The following SMIM8 variants were observed in gnomAD, a reference collection of about 807,000 sequenced individuals.
SMIM8 encodes UPF0708 protein C6orf162.
A neutral mutation model predicts 8.1 loss-of-function variants in SMIM8; 8 were observed. The observed-to-expected ratio is 0.99, with a 90% CI of 0.58 to 1.78. The LOEUF (loss-of-function observed/expected upper bound fraction) is 1.78. SMIM8 is among the 40% of genes most tolerant of loss of function. The pLI is 0.00. For synonymous variants in SMIM8, 45 were observed against 39.7 expected (o/e 1.13, Z -0.50); for missense variants, 126 against 119.8 (o/e 1.05, Z -0.24).
chr6:87,334,502 G>A (rs1777061744), intron 2 of SMIM8, among the ~76,000 whole-genome samples: 1 of 152,080 alleles, frequency 6.6e-6, no homozygotes, highest in Non-Finnish European at 1.5e-5. Context: ...ACAGGATACA[G>A]CCTGTTGCCC....
At chr6:87,337,260 T>G in intron 3 of SMIM8, 94 bp downstream of exon 3, 1 of 1,397,424 alleles carries the variant, frequency 7.2e-7, no homozygotes, top group Non-Finnish European at 9.5e-7. Flanking sequence ...TCATGGAAAT[T>G]TTATGTTGAC....
chr6:87,339,859 A>G (rs1777183455), intron 3 of SMIM8, among the ~76,000 whole-genome samples: 2 of 152,194 alleles, frequency 1.3e-5, no homozygotes, highest in South Asian at 4.1e-4. Context: ...TCCTGAGAGT[A>G]GAGGTCTGAG....
At chr6:87,324,265 G>A (rs1776760346) in intron 1 of SMIM8, among the ~76,000 whole-genome samples, 1 of 151,910 alleles carries the variant, frequency 6.6e-6, no homozygotes, top group African/African-American at 2.4e-5. Flanking sequence ...CTGTGCAGAA[G>A]CTCTTTAATT....
intron 1 of SMIM8, among the ~76,000 whole-genome samples, chr6:87,327,026 C>T (rs2127917141): frequency 7.2e-6 from 1 of 139,064 alleles, no homozygotes; most frequent in East Asian, 2.0e-4. Flanking sequence ...ATGTAATGGC[C>T]TTCTTTGTGT....
At chr6:87,329,970 C>T (rs995491611) in intron 1 of SMIM8, among the ~76,000 whole-genome samples, 2 of 152,168 alleles carry the variant, frequency 1.3e-5, no homozygotes, top group African/African-American at 4.8e-5. Flanking sequence ...GATAGTATTG[C>T]TCCTTTTATA....
rs117983787 is a variant in SMIM8 at position 87,334,393 on chromosome 6, T to G, written c.-23-2616T>G. ...TTATTAACTTACATGCAGGAGAAAT[T>G]TAAAAACAAGAACAAAAATTGCTGG... is the stretch of plus-strand genomic sequence containing the variant. On this transcript the variant is annotated intron_variant, in intron 2 of 3. Transcript: ENST00000392863. 2.7e-3 allele frequency among the ~76,000 whole-genome samples: 407 copies of G among 152,314 alleles called. 5 individuals carry two copies. In the East Asian group the frequency reaches 0.048, roughly 18 times the overall value.
chr6:87,332,920 C>G (rs1343496276), intron 2 of SMIM8, among the ~76,000 whole-genome samples: 1 of 152,200 alleles, frequency 6.6e-6, no homozygotes, highest in Admixed American at 6.5e-5. Context: ...TGGCTGTTGA[C>G]AGACTATAAT....
At chr6:87,324,297 G>A (rs1429083618) in intron 1 of SMIM8, among the ~76,000 whole-genome samples, 1 of 152,138 alleles carries the variant, frequency 6.6e-6, no homozygotes, top group Non-Finnish European at 1.5e-5. Context: ...GTCAATTTTG[G>A]CTTTGGTTGC....
rs549374013 is a variant in SMIM8, at chr6:87,340,569, C to G, written c.*295C>G. On this transcript the variant is annotated 3_prime_UTR_variant, in exon 4 of 4. Transcript: ENST00000392863. Reference sequence around the variant, plus strand: ...TATTAAATTCTGTATAATAAAAGTACCCATGCTGTTAAATTTGCATGATGT... The same window carrying G: ...TATTAAATTCTGTATAATAAAAGTAGCCATGCTGTTAAATTTGCATGATGT... The G allele has an allele frequency of 1.0e-5, 2 of 193,786 alleles. No homozygotes were observed. Among genetic ancestry groups the G allele is most frequent in the Non-Finnish European group, 2.1e-5 (2 of 96,226 alleles). 12.0% of individuals were successfully genotyped at this position (193,786 alleles called of 1,614,324 possible).
In SMIM8 at chr6:87,340,343, T is replaced by C. The variant is rs1777200495; in HGVS notation, c.*69T>C. 1.4e-6 allele frequency: 2 copies of C among 1,386,074 alleles called. No individual in the cohort carries two copies. Among genetic ancestry groups the C allele is most frequent in the Admixed American group, 5.6e-5 (2 of 35,944 alleles). 85.9% of individuals were successfully genotyped at this position (1,386,074 alleles called of 1,614,324 possible). On this transcript the variant is annotated 3_prime_UTR_variant, in exon 4 of 4. Transcript: ENST00000392863. Reference sequence around the variant, plus strand: ...ATCTTCAAATGAAAGACCTTGTGAGTGTACAGTATCATGTTTCTTGTTCTA... The same window carrying C: ...ATCTTCAAATGAAAGACCTTGTGAGCGTACAGTATCATGTTTCTTGTTCTA...
intron 1 of SMIM8, among the ~76,000 whole-genome samples, chr6:87,326,405 G>A (rs1292917261): frequency 1.3e-5 from 2 of 151,948 alleles, no homozygotes; most frequent in African/African-American, 4.8e-5. Flanking sequence ...TGGGCATTTA[G>A]GGCTATAAAT....
chr6:87,339,079 C>T (rs1228933576), intron 3 of SMIM8, among the ~76,000 whole-genome samples: 4 of 151,890 alleles, frequency 2.6e-5, no homozygotes, highest in Admixed American at 6.6e-5. Flanking sequence ...CCAAGGTGGG[C>T]GGATCACTTG....
At chr6:87,332,069 T>G (rs1777006924) in intron 2 of SMIM8, among the ~76,000 whole-genome samples, 1 of 152,080 alleles carries the variant, frequency 6.6e-6, no homozygotes, top group African/African-American at 2.4e-5. Context: ...ATTATTTTAT[T>G]GATTCATTAT....
chr6:87,326,896 G>T (rs1304348267), intron 1 of SMIM8, among the ~76,000 whole-genome samples: 2 of 114,918 alleles, frequency 1.7e-5, no homozygotes, highest in African/African-American at 3.7e-5. Flanking sequence ...TAATTTGTGG[G>T]AGTTTAAGTC....
intron 1 of SMIM8, among the ~76,000 whole-genome samples, chr6:87,328,261 C>A (rs1044242067): frequency 1.3e-5 from 2 of 151,924 alleles, no homozygotes; most frequent in Non-Finnish European, 2.9e-5. Flanking sequence ...TCGTCAAAGT[C>A]ATTCTCCGTC....
chr6:87,328,841 C>T (rs1776913812), intron 1 of SMIM8, among the ~76,000 whole-genome samples: 1 of 152,242 alleles, frequency 6.6e-6, no homozygotes, highest in African/African-American at 2.4e-5. Context: ...GCGGGCGCCC[C>T]TCCCCCAGCC....
rs1777129097 is a variant in SMIM8, at chr6:87,337,057, C to T, written c.26C>T (p.Thr9Ile). 3 of 1,611,846 alleles carry T rather than the reference C, an allele frequency of 1.9e-6. No individual in the cohort carries two copies. Among genetic ancestry groups the T allele is most frequent in the African/African-American group, 1.3e-5 (1 of 74,860 alleles). MSSAPEPP[T>I]FKKEPPKEKE... ...ATGTCTTCAGCACCTGAGCCTCCAACATTCAAAAAGGAACCACCCAAAGAG... is the reference window on the plus strand; with the variant it reads ...ATGTCTTCAGCACCTGAGCCTCCAATATTCAAAAAGGAACCACCCAAAGAG... Residue 9 changes from threonine to isoleucine, a missense_variant, in exon 3 of 4, where the codon ACA becomes ATA. By Grantham distance (89) the Thr-to-Ile change is moderately conservative. Coordinates refer to ENST00000392863, the MANE Select transcript of SMIM8 (RefSeq NM_001042493.3).
At chr6:87,322,749 C>G (rs563343639) in intron 1 of SMIM8, 117 bp downstream of exon 1, 3 of 152,382 alleles carry the variant, frequency 2.0e-5, no homozygotes, top group South Asian at 2.1e-4. Context: ...GTCTCCCTCC[C>G]AGGGAGGGAG....
chr6:87,327,231 T>C (rs1212759888), intron 1 of SMIM8, among the ~76,000 whole-genome samples: 2 of 147,114 alleles, frequency 1.4e-5, no homozygotes, highest in Non-Finnish European at 3.0e-5. Flanking sequence ...AATTTGCCAG[T>C]CTGTGTCTTT....
Sources: allele counts gnomAD v4.1 joint callset (sites outside exome capture counted in the v4.1 genomes callset), GRCh38; gene constraint gnomAD v4.1.1; transcripts MANE v1.5; gene names NCBI Gene and HGNC (gene_info 2026-07-23, HGNC 2026-07-21).